The following GPR161 variants were observed in gnomAD, a reference collection of about 807,000 sequenced individuals.
GPR161 encodes the protein G protein-coupled receptor 161, also known as G-protein coupled receptor RE2.
GPR161 carries 25 observed loss-of-function variants against 39.2 expected under a neutral mutation model. The observed-to-expected ratio is 0.64, with a 90% confidence interval of 0.47 to 0.89. The LOEUF (loss-of-function observed/expected upper bound fraction) is 0.89. Among genes scored for constraint, GPR161 ranks in the 40% least tolerant of loss-of-function variants. The pLI is 0.00. For missense variants in GPR161, 547 were observed against 677.8 expected (o/e 0.81, Z 2.14); for synonymous variants, 286 against 276.6 (o/e 1.03, Z -0.34).
intron 1 of GPR161, among the ~76,000 whole-genome samples, chr1:168,119,201 T>TATATACGTATATATATACAC (rs1421018702): frequency 8.9e-6 from 1 of 111,774 alleles, no homozygotes; most frequent in African/African-American, 4.0e-5. Flanking sequence ...CCATCATATA[T>TATATACGTATATATATACAC]ATATATATGT....
At chr1:168,090,719 G>C in intron 3 of GPR161, 51 bp from the exon 4 acceptor site, 1 of 1,058,748 alleles carries the variant, frequency 9.4e-7, no homozygotes, top group Non-Finnish European at 1.4e-6. Flanking sequence ...GCAAGGAGGG[G>C]CCCCAGCCTC....
chr1:168,131,216 C>T (rs1698965745), intron 1 of GPR161, among the ~76,000 whole-genome samples: 1 of 151,768 alleles, frequency 6.6e-6, no homozygotes, highest in African/African-American at 2.4e-5. Context: ...GATCTCACCC[C>T]CACCCTTACC....
intron 3 of GPR161, among the ~76,000 whole-genome samples, chr1:168,092,906 A>G (rs1305522632): frequency 6.6e-6 from 1 of 152,072 alleles, no homozygotes; most frequent in Non-Finnish European, 1.5e-5. Flanking sequence ...AGGGTCTCGT[A>G]AGGGCGGCGT....
intron 1 of GPR161, among the ~76,000 whole-genome samples, chr1:168,127,987 C>A (rs966329288): frequency 6.6e-6 from 1 of 152,122 alleles, no homozygotes; most frequent in Non-Finnish European, 1.5e-5. Context: ...GGAAGATGCC[C>A]CCTCCCAGAA....
intron 1 of GPR161, among the ~76,000 whole-genome samples, chr1:168,115,457 C>A (rs1013613378): frequency 6.6e-6 from 1 of 152,070 alleles, no homozygotes; most frequent in African/African-American, 2.4e-5. Context: ...GCCATGGGCT[C>A]CTGGGCCCTA....
At chr1:168,137,492 C>A, upstream of GPR161, 1 of 1,137,714 alleles carries the variant, frequency 8.8e-7, no homozygotes, top group Non-Finnish European at 1.3e-6. Flanking sequence ...GAAGCCAGCC[C>A]CGGGGAGTGG....
At chr1:168,095,979 T>A (rs980043037) in intron 3 of GPR161, among the ~76,000 whole-genome samples, 1 of 151,368 alleles carries the variant, frequency 6.6e-6, no homozygotes, top group African/African-American at 2.4e-5. Flanking sequence ...ACTAAAAATA[T>A]AAAAAGTAGT....
intron 1 of GPR161, chr1:168,134,784 C>A (rs1047896255): frequency 4.9e-6 from 4 of 822,362 alleles, no homozygotes; most frequent in Admixed American, 4.1e-5. Context: ...CAGCTGCCCC[C>A]TTACTGGAGA....
chr1:168,119,028 C>T (rs1008411924), intron 1 of GPR161, among the ~76,000 whole-genome samples: 1 of 151,422 alleles, frequency 6.6e-6, no homozygotes, highest in African/African-American at 2.4e-5. Context: ...AATAGTATGG[C>T]AGTTCCTCAA....
chr1:168,108,557 C>T (rs986342310), intron 1 of GPR161, among the ~76,000 whole-genome samples: 62 of 99,006 alleles, frequency 6.3e-4, no homozygotes, highest in African/African-American at 2.3e-3. Flanking sequence ...TACATACACA[C>T]ACAAATATAT....
intron 2 of GPR161, among the ~76,000 whole-genome samples, chr1:168,100,210 CAAAAA>C (rs35900694): frequency 1.8e-5 from 1 of 54,820 alleles, no homozygotes. Context: ...GACCCTGTCT[CAAAAA>C]AAAAAAAAAA....
chr1:168,127,643 C>T (rs993801767), intron 1 of GPR161, among the ~76,000 whole-genome samples: 7 of 152,184 alleles, frequency 4.6e-5, no homozygotes, highest in East Asian at 3.8e-4. Flanking sequence ...GAGCAAGTCA[C>T]ATCTTACATG....
chr1:168,131,360 T>C (rs1003180766), intron 1 of GPR161, among the ~76,000 whole-genome samples: 17 of 152,140 alleles, frequency 1.1e-4, no homozygotes, highest in African/African-American at 4.1e-4. Context: ...CATCCCAAAT[T>C]GCTCACAGTT....
At chr1:168,118,870 A>G (rs1232566192) in intron 1 of GPR161, 2 of 152,204 alleles carry the variant, frequency 1.3e-5, no homozygotes, top group East Asian at 3.8e-4. Context: ...TGATTTAGGT[A>G]AATGCAAATC....
At chr1:168,119,375 G>C (rs1005892725) in intron 1 of GPR161, among the ~76,000 whole-genome samples, 2 of 150,112 alleles carry the variant, frequency 1.3e-5, no homozygotes, top group Admixed American at 1.3e-4. Context: ...ATGAAGCTTG[G>C]GGACATATGC....
intron 1 of GPR161, among the ~76,000 whole-genome samples, chr1:168,114,973 C>G (rs1375683267): frequency 1.3e-5 from 2 of 152,048 alleles, no homozygotes; most frequent in East Asian, 3.9e-4. Flanking sequence ...GCTCACATGA[C>G]CCTAGGTCCG....
chr1:168,096,947 G>A lies in GPR161; in HGVS notation c.660C>T (p.Arg220=), dbSNP rs201970960. Residue 220 remains arginine, a synonymous_variant, in exon 3 of 6, where the codon CGC becomes CGT. Transcript: ENST00000682931. Reference sequence around the variant, plus strand: ...TGACGACTGTGCCACAGTGCACCTTGCGTGCCTTGACCCTGGCCACGCGGA... The same window carrying A: ...TGACGACTGTGCCACAGTGCACCTTACGTGCCTTGACCCTGGCCACGCGGA... ...FIFRVARVKA[R]KVHCGTVVIV... is the part of the protein sequence containing the mutation. The A allele has an allele frequency of 1.2e-6, 2 of 1,614,126 alleles. No individual in the cohort carries two copies. Among genetic ancestry groups the A allele is most frequent in the Admixed American group, 3.3e-5 (2 of 60,022 alleles).
At chr1:168,128,182 G>A (rs1698725983) in intron 1 of GPR161, among the ~76,000 whole-genome samples, 1 of 152,128 alleles carries the variant, frequency 6.6e-6, no homozygotes, top group Non-Finnish European at 1.5e-5. Flanking sequence ...TTAAGCAGAA[G>A]AGCTGAAATG....
intron 1 of GPR161, among the ~76,000 whole-genome samples, chr1:168,128,448 G>T (rs1170440905): frequency 6.6e-6 from 1 of 152,198 alleles, no homozygotes; most frequent in Non-Finnish European, 1.5e-5. Flanking sequence ...CAACAACAGA[G>T]AATTATCCGG....
Sources: allele counts gnomAD v4.1 joint callset (sites outside exome capture counted in the v4.1 genomes callset), GRCh38; gene constraint gnomAD v4.1.1; transcripts MANE v1.5; gene names NCBI Gene and HGNC (gene_info 2026-07-23, HGNC 2026-07-21).